Variants in ZNF470 observed in about 807,000 individuals in gnomAD.
The protein encoded by ZNF470 is zinc finger protein 470.
ZNF470 carries 13 observed loss-of-function variants against 13.9 expected under a neutral mutation model. The observed-to-expected ratio is 0.94, with a 90% CI of 0.61 to 1.49. The LOEUF is 1.49. Among genes scored for constraint, ZNF470 ranks in the 40% most tolerant of loss-of-function variants. The pLI, the probability that ZNF470 is intolerant of heterozygous loss-of-function variation, is 0.00. For synonymous variants in ZNF470, 293 were observed against 282.9 expected, an observed-to-expected ratio of 1.04 and a Z score of -0.36; for missense variants, 929 against 857.3, an observed-to-expected ratio of 1.08 and a Z score of -1.04.
intron 3 of ZNF470, among the ~76,000 whole-genome samples, chr19:56,572,541 C>CAA (rs764794483): frequency 6.0e-4 from 52 of 87,250 alleles, no homozygotes; most frequent in African/African-American, 1.9e-3. Flanking sequence ...GACCCTGTCT[C>CAA]AAAAAAAAAA....
Position 56,580,033 on chromosome 19 carries a change from G to A in ZNF470, c.*1450G>A, listed in dbSNP as rs1355340793. The A allele has an allele frequency of 1.4e-5, 8 of 552,046 alleles. No homozygotes were observed. The highest frequency in any genetic ancestry group is 1.8e-5 in the Non-Finnish European group (8 of 434,776). 34.2% of individuals were successfully genotyped at this position (552,046 alleles called of 1,614,324 possible). On this transcript the variant is annotated 3_prime_UTR_variant, in exon 6 of 6. Coordinates refer to ENST00000330619, the MANE Select transcript of ZNF470 (RefSeq NM_001001668.4). ...AAAAATACGTGCTCTTACAGATCTA[G>A]TAGAACAGAAAAAATTAAATGCATG...
At position 56,578,529 on chromosome 19, in the gene ZNF470, C is replaced by T. The variant is rs778246408; in HGVS notation, c.2100C>T (p.Thr700=). The T allele has an allele frequency of 2.9e-5, 46 of 1,591,334 alleles. No homozygotes were observed. Among genetic ancestry groups the T allele is most frequent in the African/African-American group, 2.4e-4 (18 of 74,180 alleles). ...TTGCTCATCATCAGCGAATTCATAC[C>T]GGAGAGTCATCAGTTATTCTCTCCT... ...VHLAHHQRIH[T]GESSVILSSA... Residue 700 remains threonine (T), a synonymous_variant, in exon 6 of 6, where the codon ACC becomes ACT. Transcript: ENST00000330619.
At chr19:56,572,610 C>G (rs1238575255) in intron 3 of ZNF470, among the ~76,000 whole-genome samples, 1 of 148,908 alleles carries the variant, frequency 6.7e-6, no homozygotes, top group East Asian at 2.0e-4. Context: ...ACCACCAGAC[C>G]ATGGTGCGTT....
rs200300611 is a variant in ZNF470, at chr19:56,577,508, G to A, written c.1079G>A (p.Arg360Lys). 198 of 1,613,506 alleles carry A rather than the reference G, an allele frequency of 1.2e-4. No homozygotes were observed. Among genetic ancestry groups the A allele is most frequent in the Non-Finnish European group, 1.6e-4 (191 of 1,179,600 alleles). Residue 360 changes from arginine (R) to lysine (K), a missense_variant, in exon 6 of 6, where the codon AGG becomes AAG. Coordinates refer to ENST00000330619, the MANE Select transcript of ZNF470 (RefSeq NM_001001668.4). ...TGCTCATCCCTAGCTCATCATCGAA[G>A]GATTCACACTGGGAAAAGACCTTAT... ...SDCSSLAHHR[R>K]IHTGKRPYEC...
chr19:56,573,187 C>T (rs1157911307), intron 3 of ZNF470, among the ~76,000 whole-genome samples: 1 of 152,146 alleles, frequency 6.6e-6, no homozygotes, highest in Non-Finnish European at 1.5e-5. Flanking sequence ...TTCTTCTTGG[C>T]CTTCTCTTCT....
At chr19:56,571,775 AT>A (rs35836571) in intron 3 of ZNF470, among the ~76,000 whole-genome samples, 70,302 of 131,920 alleles carry the variant, frequency 0.53, 19,128 homozygotes, top group Middle Eastern at 0.65. Flanking sequence ...CACCTGGCTA[AT>A]TTTTTTTTTT....
intron 3 of ZNF470, among the ~76,000 whole-genome samples, chr19:56,573,395 C>T (rs2044468650): frequency 6.6e-6 from 1 of 152,196 alleles, no homozygotes; most frequent in African/African-American, 2.4e-5. Context: ...CCAACCTCAC[C>T]CAGCTAGTCA....
chr19:56,573,234 C>G (rs1213900852), intron 3 of ZNF470, among the ~76,000 whole-genome samples: 1 of 152,086 alleles, frequency 6.6e-6, no homozygotes, highest in Non-Finnish European at 1.5e-5. Flanking sequence ...CTTCTTCATC[C>G]TTATCATAGG....
chr19:56,579,002 C>G lies in ZNF470; in HGVS notation c.*419C>G, dbSNP rs2044515045. 3 of 989,708 alleles carry G rather than the reference C, an allele frequency of 3.0e-6. No homozygotes were observed. In the African/African-American group the frequency reaches 5.2e-5, roughly 17 times the overall value. 61.3% of individuals were successfully genotyped at this position (989,708 alleles called of 1,614,324 possible). The stretch of plus-strand genomic sequence containing the variant: ...TCTCCTGGTAGAGAGGAAAGATGAA[C>G]AAACTCAGAATTGAAAGATTTATGG... On this transcript the variant is annotated 3_prime_UTR_variant, in exon 6 of 6. Coordinates refer to ENST00000330619, the MANE Select transcript of ZNF470 (RefSeq NM_001001668.4).
chr19:56,570,384 TC>T lies in ZNF470; in HGVS notation c.60+18del. The T allele has an allele frequency of 6.2e-7, 1 of 1,612,540 alleles. No homozygotes were observed. Among genetic ancestry groups the T allele is most frequent in the Non-Finnish European group, 8.5e-7 (1 of 1,178,682 alleles). On this transcript the variant is annotated intron_variant, in intron 3 of 5. Coordinates refer to ENST00000330619, the MANE Select transcript of ZNF470 (RefSeq NM_001001668.4). ...AGCCATGTCCCTGGTGAGTTAGTAT[TC>T]CCCCTCTCCCCACTAAAATAGTTTT...
chr19:56,574,731 C>A lies in ZNF470; in HGVS notation c.281C>A (p.Pro94Gln). 3.1e-6 allele frequency: 5 copies of A among 1,612,858 alleles called. No individual in the cohort carries two copies. Among genetic ancestry groups the A allele is most frequent in the Non-Finnish European group, 4.2e-6 (5 of 1,179,278 alleles). Residue 94 changes from proline to glutamine, a missense_variant and splice_region_variant, in exon 5 of 6, where the codon CCA (proline) becomes CAA (glutamine). Physicochemically the swap from Pro to Gln is moderately conservative, Grantham distance 76 (BLOSUM62 -1). Coordinates refer to ENST00000330619, the MANE Select transcript of ZNF470 (RefSeq NM_001001668.4). ...GGAGGGATGAACAGAGGCCTGTGCCCAGGTAAGTGGAGGATACCTAGAGAT... is the reference window on the plus strand; with the variant it reads ...GGAGGGATGAACAGAGGCCTGTGCCAAGGTAAGTGGAGGATACCTAGAGAT... ...IKGGMNRGLC[P>Q]DLECVWVTKS...
In ZNF470 at chr19:56,577,654, C is replaced by A. The variant is rs1474242472; in HGVS notation, c.1225C>A (p.His409Asn). 1.2e-5 allele frequency: 19 copies of A among 1,610,628 alleles called. No individual in the cohort carries two copies. Among genetic ancestry groups the A allele is most frequent in the Non-Finnish European group, 1.6e-5 (19 of 1,177,508 alleles). Residue 409 changes from histidine to asparagine, a missense_variant, in exon 6 of 6, where the codon CAC becomes AAC. His to Asn is a moderately conservative substitution (Grantham distance 68, BLOSUM62 1). Transcript: ENST00000330619. ...CIDCGKAFTDHIGLIQHKRTH... is the reference protein window; with the variant it reads ...CIDCGKAFTDNIGLIQHKRTH... Reference sequence around the variant, plus strand: ...TGATTGTGGGAAGGCTTTCACTGATCACATAGGACTTATTCAGCATAAGAG... The same window carrying A: ...TGATTGTGGGAAGGCTTTCACTGATAACATAGGACTTATTCAGCATAAGAG...
chr19:56,582,218 G>A lies in ZNF470; in HGVS notation c.*3635G>A. 1.0e-6 allele frequency: 1 copy of A among 985,264 alleles called. No individual in the cohort carries two copies. Among genetic ancestry groups the A allele is most frequent in the Non-Finnish European group, 1.2e-6 (1 of 829,904 alleles). The allele number at this position is 985,264 out of a possible 1,614,324, so 61.0% of individuals were successfully genotyped here. On this transcript the variant is annotated 3_prime_UTR_variant, in exon 6 of 6. Coordinates refer to ENST00000330619, the MANE Select transcript of ZNF470 (RefSeq NM_001001668.4). The stretch of plus-strand genomic sequence containing the variant: ...TCACCTGGGATGAATAGAGGTCTAG[G>A]GTTCTGGATAATGATAATTTAAGGA...
chr19:56,579,696 A>C lies in ZNF470; in HGVS notation c.*1113A>C, dbSNP rs1266560024. Reference sequence around the variant, plus strand: ...CAAAACATAAAAATATGTACACTGCAATTAGTTTCTGAATGTAGATGTTAC... The same window carrying C: ...CAAAACATAAAAATATGTACACTGCCATTAGTTTCTGAATGTAGATGTTAC... On this transcript the variant is annotated 3_prime_UTR_variant, in exon 6 of 6. Transcript: ENST00000330619. 12 of 985,170 alleles carry C rather than the reference A, an allele frequency of 1.2e-5. No individual in the cohort carries two copies. The highest frequency in any genetic ancestry group is 1.3e-5 in the Non-Finnish European group (11 of 829,786). 61.0% of individuals were successfully genotyped at this position (985,170 alleles called of 1,614,324 possible).
chr19:56,578,234 T>C lies in ZNF470; in HGVS notation c.1805T>C (p.Phe602Ser). 6.2e-7 allele frequency: 1 copy of C among 1,614,022 alleles called. No homozygotes were observed. The highest frequency in any genetic ancestry group is 1.6e-4 in the Middle Eastern group (1 of 6,062). Residue 602 changes from phenylalanine (F) to serine (S), a missense_variant, in exon 6 of 6, where the codon TTC (phenylalanine) becomes TCC (serine). Physicochemically the swap from Phe to Ser is radical, Grantham distance 155 (BLOSUM62 -2). Coordinates refer to ENST00000330619, the MANE Select transcript of ZNF470 (RefSeq NM_001001668.4). Reference protein sequence around the residue: ...PYECLECGKAFRQRASLICHQ... With the variant: ...PYECLECGKASRQRASLICHQ... ...GAATGTCTTGAATGTGGGAAGGCATTCAGGCAGAGGGCATCCTTGATTTGT... is the reference window on the plus strand; with the variant it reads ...GAATGTCTTGAATGTGGGAAGGCATCCAGGCAGAGGGCATCCTTGATTTGT...
At position 56,567,889 on chromosome 19, in the gene ZNF470, A is replaced by C; in HGVS notation, c.-308A>C. The C allele has an allele frequency of 1.0e-6, 1 of 984,996 alleles. No individual in the cohort carries two copies. Among genetic ancestry groups the C allele is most frequent in the Non-Finnish European group, 1.2e-6 (1 of 829,944 alleles). 61.0% of individuals were successfully genotyped at this position (984,996 alleles called of 1,614,324 possible). ...CGACTGCGTAGAGCCCAGTGTGGGC[A>C]AAGTCCTAGAGCCCGGGGAAGTTGC... On this transcript the variant is annotated 5_prime_UTR_variant, in exon 1 of 6. Transcript: ENST00000330619.
chr19:56,579,216 G>A lies in ZNF470; in HGVS notation c.*633G>A, dbSNP rs1361491283. The A allele has an allele frequency of 3.4e-6, 3 of 880,298 alleles. No individual in the cohort carries two copies. The highest frequency in any genetic ancestry group is 4.1e-6 in the Non-Finnish European group (3 of 734,534). The allele number at this position is 880,298 out of a possible 1,614,324, so 54.5% of individuals were successfully genotyped here. ...GCAGGCAGATTGCTTGAGCTCAGGA[G>A]TTCGAGACCAACCTGAGCAACATGG... On this transcript the variant is annotated 3_prime_UTR_variant, in exon 6 of 6. Coordinates refer to ENST00000330619, the MANE Select transcript of ZNF470 (RefSeq NM_001001668.4).
At position 56,577,995 on chromosome 19, in the gene ZNF470, A is replaced by G. The variant is rs902111487; in HGVS notation, c.1566A>G (p.Ala522=). The part of the protein sequence containing the change: ...KECSKTFSQN[A]HLAQHQKIHT... ...GCAGCAAAACCTTCAGCCAGAATGC[A>G]CACCTCGCGCAACATCAGAAAATAC... is the stretch of plus-strand genomic sequence containing the variant. Residue 522 remains alanine, a synonymous_variant, in exon 6 of 6, where the codon GCA becomes GCG. Coordinates refer to ENST00000330619, the MANE Select transcript of ZNF470 (RefSeq NM_001001668.4). The G allele has an allele frequency of 6.2e-7, 1 of 1,613,172 alleles. No homozygotes were observed. Among genetic ancestry groups the G allele is most frequent in the African/African-American group, 1.3e-5 (1 of 74,854 alleles).
Position 56,567,680 on chromosome 19 carries a change from G to C in ZNF470, c.-517G>C, listed in dbSNP as rs2044420692. The C allele has an allele frequency of 7.1e-6, 7 of 987,458 alleles. No homozygotes were observed. The highest frequency in any genetic ancestry group is 8.4e-6 in the Non-Finnish European group (7 of 831,486). 61.2% of individuals were successfully genotyped at this position (987,458 alleles called of 1,614,324 possible). On this transcript the variant is annotated 5_prime_UTR_variant, in exon 1 of 6. Coordinates refer to ENST00000330619, the MANE Select transcript of ZNF470 (RefSeq NM_001001668.4). ...GAGCGTGCGGTGCTGTGCTGAGGAG[G>C]GGCGAGCGCGCGCGGGGATGGCGGC...
Sources: allele counts gnomAD v4.1 joint callset (sites outside exome capture counted in the v4.1 genomes callset), GRCh38; gene constraint gnomAD v4.1.1; transcripts MANE v1.5; gene names NCBI Gene and HGNC (gene_info 2026-07-23, HGNC 2026-07-21).